The following GCH1 variants were observed in gnomAD, a reference collection of about 807,000 sequenced individuals.
GCH1 encodes GTP cyclohydrolase 1.
Under a neutral mutation model 25.9 loss-of-function variants are expected in GCH1, and 5 were observed. The observed-to-expected ratio is 0.19, with a 90% confidence interval of 0.10 to 0.41. GCH1 has a LOEUF of 0.41. Among genes scored for constraint, GCH1 ranks in the 10% least tolerant of loss-of-function variants. The probability of loss-of-function intolerance (pLI) is 1.00; values close to 1 mark genes in which losing one functional copy is unlikely to be tolerated. For missense variants in GCH1, 261 were observed against 336.5 expected, an observed-to-expected ratio of 0.78 and a Z score of 1.75; for synonymous variants, 159 against 129.6, an observed-to-expected ratio of 1.23 and a Z score of -1.54.
intron 1 of GCH1, among the ~76,000 whole-genome samples, chr14:54,896,729 G>C (rs180754138): frequency 1.3e-4 from 20 of 151,360 alleles, no homozygotes; most frequent in Admixed American, 1.1e-3. Flanking sequence ...TGGCTAACAC[G>C]GTGAAACCCC....
chr14:54,863,499 CAAAAAAA>C (rs1209956263), intron 2 of GCH1, among the ~76,000 whole-genome samples: 4 of 17,888 alleles, frequency 2.2e-4, no homozygotes, highest in Non-Finnish European at 3.2e-4. Context: ...TTTGTAATAG[CAAAAAAA>C]AAAAAAAAAA....
Position 54,845,857 on chromosome 14 carries a change from G to T in GCH1, c.542-5C>A. The T allele has an allele frequency of 6.4e-7, 1 of 1,553,916 alleles. No individual in the cohort carries two copies. The highest frequency in any genetic ancestry group is 8.9e-7 in the Non-Finnish European group (1 of 1,125,032). ...GTTTTGTAAGGCGCTCCTGAACTGT[G>T]GATGTGATAAGGAGCTCAGTTTGAG... On this transcript the variant is annotated splice_polypyrimidine_tract_variant and splice_region_variant and intron_variant, in intron 4 of 5. Coordinates refer to ENST00000491895, the MANE Select transcript of GCH1 (RefSeq NM_000161.3).
intron 1 of GCH1, among the ~76,000 whole-genome samples, chr14:54,888,224 C>T (rs991442709): frequency 2.0e-5 from 3 of 152,110 alleles, no homozygotes; most frequent in African/African-American, 7.2e-5. Flanking sequence ...TTGAACATTT[C>T]CAGGGAAAAC....
At chr14:54,856,389 C>T (rs553949248) in intron 3 of GCH1, among the ~76,000 whole-genome samples, 19 of 152,294 alleles carry the variant, frequency 1.2e-4, no homozygotes, top group Admixed American at 9.2e-4. Context: ...AACAGGTCAG[C>T]CATGGCTACC....
chr14:54,845,768 G>C lies in GCH1; in HGVS notation c.626C>G (p.Thr209Arg), dbSNP rs141634133. Residue 209 changes from threonine (T) to arginine (R), a missense_variant and splice_region_variant, in exon 5 of 6, where the codon ACA becomes AGA. Coordinates refer to ENST00000491895, the MANE Select transcript of GCH1 (RefSeq NM_000161.3). The part of the protein sequence containing the change: ...PAGVGVVVEA[T>R]HMCMVMRGVQ... ...TTACTAAAGGCAGATGCAGACTTAC[G>C]TTGCTTCAACCACTACCCCGACTCC... The C allele has an allele frequency of 1.2e-5, 18 of 1,560,946 alleles. No homozygotes were observed. The highest frequency in any genetic ancestry group is 1.5e-5 in the Non-Finnish European group (17 of 1,131,544).
At chr14:54,878,048 C>G (rs1427410850) in intron 1 of GCH1, 1 of 154,132 alleles carries the variant, frequency 6.5e-6, no homozygotes, top group African/African-American at 2.4e-5. Flanking sequence ...CAAAATGCTC[C>G]TACTCAAATA....
At chr14:54,860,673 C>T (rs1336476212) in intron 2 of GCH1, among the ~76,000 whole-genome samples, 2 of 151,814 alleles carry the variant, frequency 1.3e-5, no homozygotes, top group East Asian at 1.9e-4. Context: ...CCTGAGTAGC[C>T]GGGACTACAG....
At chr14:54,856,558 T>C (rs1045313449) in intron 3 of GCH1, among the ~76,000 whole-genome samples, 2 of 152,174 alleles carry the variant, frequency 1.3e-5, no homozygotes, top group Admixed American at 6.5e-5. Flanking sequence ...GTTCAAGCGA[T>C]TCTTCCATCT....
chr14:54,874,294 G>A (rs572412391), intron 1 of GCH1, among the ~76,000 whole-genome samples: 15 of 152,064 alleles, frequency 9.9e-5, no homozygotes, highest in African/African-American at 2.2e-4. Flanking sequence ...ATTCAACAAC[G>A]CTTCATGCTA....
chr14:54,877,145 T>C (rs1465454058), intron 1 of GCH1, among the ~76,000 whole-genome samples: 1 of 152,232 alleles, frequency 6.6e-6, no homozygotes, highest in African/African-American at 2.4e-5. Flanking sequence ...TGCTCCAACA[T>C]ATCTAAAAGC....
chr14:54,901,042 T>C (rs559363803), intron 1 of GCH1, among the ~76,000 whole-genome samples: 1 of 152,294 alleles, frequency 6.6e-6, no homozygotes, highest in South Asian at 2.1e-4. Flanking sequence ...TAGAAGTCAC[T>C]GCCGGTTTTA....
At chr14:54,844,165 G>T in intron 5 of GCH1, 22 bp from the exon 6 acceptor site, 2 of 1,552,500 alleles carry the variant, frequency 1.3e-6, no homozygotes, top group South Asian at 2.2e-5. Context: ...GGCAACACAG[G>T]TTGTTTAAAG....
At chr14:54,845,035 T>C (rs1455070442) in intron 5 of GCH1, among the ~76,000 whole-genome samples, 2 of 151,830 alleles carry the variant, frequency 1.3e-5, no homozygotes, top group South Asian at 2.1e-4. Flanking sequence ...TAGCTGGGTG[T>C]GGTGGCGGGC....
At chr14:54,856,272 G>A (rs2039810263) in intron 3 of GCH1, among the ~76,000 whole-genome samples, 1 of 152,170 alleles carries the variant, frequency 6.6e-6, no homozygotes. Context: ...TGGAGCTACA[G>A]CAGGCATTTC....
At position 54,902,751 on chromosome 14, in the gene GCH1, G is replaced by C. The variant is rs2040590040; in HGVS notation, c.-88C>G. ...ACTCCGCCGGTGGCCGCGGACAATG[G>C]GCTGTGGCCGGAGTCACCTGAGGAA... On this transcript the variant is annotated 5_prime_UTR_variant, in exon 1 of 6. Transcript: ENST00000491895. 2 of 1,366,436 alleles carry C rather than the reference G, an allele frequency of 1.5e-6. No individual in the cohort carries two copies. The highest frequency in any genetic ancestry group is 6.1e-5 in the East Asian group (2 of 32,992). The allele number at this position is 1,366,436 out of a possible 1,614,324, so 84.6% of individuals were successfully genotyped here. A position where few individuals can be genotyped will look rare whatever the true frequency, so the allele number is the denominator to read the frequency against.
At chr14:54,892,735 C>A (rs890888192) in intron 1 of GCH1, among the ~76,000 whole-genome samples, 2 of 151,812 alleles carry the variant, frequency 1.3e-5, no homozygotes, top group Non-Finnish European at 2.9e-5. Flanking sequence ...TGTGGATGAA[C>A]CTTGAAGACA....
intron 5 of GCH1, 108 bp from the exon 6 acceptor site, chr14:54,844,251 C>G: frequency 2.5e-6 from 2 of 793,134 alleles, no homozygotes; most frequent in Non-Finnish European, 4.5e-6. Flanking sequence ...CCAAGTATAT[C>G]GAAATATCCC....
At chr14:54,847,597 C>T (rs1056727925) in intron 3 of GCH1, among the ~76,000 whole-genome samples, 1 of 152,104 alleles carries the variant, frequency 6.6e-6, no homozygotes, top group Admixed American at 6.5e-5. Context: ...TCTCCTTGCT[C>T]CTCAAGCTTG....
At chr14:54,863,391 T>A (rs2039938831) in intron 2 of GCH1, among the ~76,000 whole-genome samples, 1 of 118,072 alleles carries the variant, frequency 8.5e-6, no homozygotes, top group Admixed American at 1.3e-4. Flanking sequence ...CACTGCAATC[T>A]AGCCTGGGCG....
Sources: allele counts gnomAD v4.1 joint callset (sites outside exome capture counted in the v4.1 genomes callset), GRCh38; gene constraint gnomAD v4.1.1; transcripts MANE v1.5; gene names NCBI Gene and HGNC (gene_info 2026-07-23, HGNC 2026-07-21).